The following WWOX variants were observed in gnomAD, a reference collection of about 807,000 sequenced individuals.
WWOX encodes WW domain-containing oxidoreductase.
WWOX carries 69 observed loss-of-function variants against 46.2 expected under a neutral mutation model. That is an observed-to-expected ratio of 1.49 (90% CI 1.23 to 1.82). The LOEUF is 1.82. WWOX is among the 40% of genes most tolerant of loss of function. The pLI is 0.00. For synonymous variants in WWOX, 359 were observed against 202.6 expected, an observed-to-expected ratio of 1.77 and a Z score of -6.56; for missense variants, 919 against 542.6, an observed-to-expected ratio of 1.69 and a Z score of -6.89.
At chr16:78,580,839 G>T (rs1049048812) in intron 8 of WWOX, among the ~76,000 whole-genome samples, 1 of 152,152 alleles carries the variant, frequency 6.6e-6, no homozygotes, top group South Asian at 2.1e-4. Flanking sequence ...CAACACCTAT[G>T]CCTCTTTCAC....
chr16:78,224,067 G>T (rs925643707), intron 5 of WWOX, among the ~76,000 whole-genome samples: 1 of 152,090 alleles, frequency 6.6e-6, no homozygotes. Flanking sequence ...GCAGTGGGGT[G>T]ATCTCAGCTC....
At chr16:78,379,562 C>G (rs1236537369) in intron 5 of WWOX, among the ~76,000 whole-genome samples, 2 of 152,180 alleles carry the variant, frequency 1.3e-5, no homozygotes, top group African/African-American at 4.8e-5. Flanking sequence ...TGCCAAAAGT[C>G]TGTGCCAGGG....
chr16:78,671,727 C>T (rs141062121), intron 8 of WWOX, among the ~76,000 whole-genome samples: 1 of 152,300 alleles, frequency 6.6e-6, no homozygotes, highest in Admixed American at 6.5e-5. Context: ...AATAGCTACC[C>T]TTACTATTTA....
At chr16:78,939,281 A>G (rs558760505) in intron 8 of WWOX, among the ~76,000 whole-genome samples, 6 of 152,340 alleles carry the variant, frequency 3.9e-5, no homozygotes, top group African/African-American at 1.2e-4. Flanking sequence ...TACCTGGTCT[A>G]GAGAGGCTGC....
At chr16:78,536,901 CTT>C (rs35326105) in intron 8 of WWOX, among the ~76,000 whole-genome samples, 11,042 of 119,918 alleles carry the variant, frequency 0.092, 530 homozygotes, top group South Asian at 0.21. Flanking sequence ...AGAGCCAAGT[CTT>C]TTTTTTTTTT....
intron 8 of WWOX, among the ~76,000 whole-genome samples, chr16:78,868,628 A>G (rs1259285450): frequency 6.6e-6 from 1 of 152,230 alleles, no homozygotes; most frequent in Non-Finnish European, 1.5e-5. Flanking sequence ...CCCATTCTGT[A>G]TAATTAGACA....
chr16:79,207,732 T>C (rs2051566189), intron 8 of WWOX, among the ~76,000 whole-genome samples: 2 of 152,196 alleles, frequency 1.3e-5, no homozygotes, highest in African/African-American at 4.8e-5. Context: ...CATGTGTCCC[T>C]GTGAGTATTA....
intron 8 of WWOX, among the ~76,000 whole-genome samples, chr16:78,751,855 A>AG (rs1332822387): frequency 2.6e-5 from 4 of 152,230 alleles, no homozygotes; most frequent in Admixed American, 2.0e-4. Context: ...AGGGAAGGTA[A>AG]GAAAGAAATT....
chr16:79,090,954 C>A (rs1255224719), intron 8 of WWOX, among the ~76,000 whole-genome samples: 2 of 152,168 alleles, frequency 1.3e-5, no homozygotes, highest in South Asian at 2.1e-4. Flanking sequence ...TGCCACCGCA[C>A]CCAGCTCAAA....
At chr16:78,785,884 A>G (rs1203039649) in intron 8 of WWOX, among the ~76,000 whole-genome samples, 1 of 152,028 alleles carries the variant, frequency 6.6e-6, no homozygotes, top group Non-Finnish European at 1.5e-5. Context: ...CACACTTTTG[A>G]ATTTGAGTTA....
chr16:79,029,203 G>C (rs1181199724), intron 8 of WWOX, among the ~76,000 whole-genome samples: 1 of 152,154 alleles, frequency 6.6e-6, no homozygotes, highest in African/African-American at 2.4e-5. Flanking sequence ...CAGATGCACA[G>C]GAGACCTTTG....
At chr16:78,513,853 T>A (rs780181510) in intron 8 of WWOX, among the ~76,000 whole-genome samples, 20 of 151,668 alleles carry the variant, frequency 1.3e-4, no homozygotes, top group Non-Finnish European at 2.2e-4. Context: ...GAACACTTGG[T>A]CGAAAAACAG....
intron 8 of WWOX, among the ~76,000 whole-genome samples, chr16:78,532,148 A>G (rs2043638535): frequency 1.3e-5 from 2 of 151,912 alleles, no homozygotes; most frequent in African/African-American, 4.8e-5. Context: ...ATAATGCTAG[A>G]GACATTCAGC....
chr16:78,769,658 GA>G (rs2050016661), intron 8 of WWOX, among the ~76,000 whole-genome samples: 1 of 150,830 alleles, frequency 6.6e-6, no homozygotes, highest in Non-Finnish European at 1.5e-5. Context: ...TAACAGGGAA[GA>G]TTTAATATTA....
chr16:78,300,523 C>A (rs2080021411), intron 5 of WWOX, among the ~76,000 whole-genome samples: 1 of 151,570 alleles, frequency 6.6e-6, no homozygotes, highest in Non-Finnish European at 1.5e-5. Context: ...TCTCCCTTCT[C>A]CCCTCTTCTC....
intron 4 of WWOX, among the ~76,000 whole-genome samples, chr16:78,140,662 T>C (rs959289513): frequency 6.6e-6 from 1 of 152,208 alleles, no homozygotes; most frequent in African/African-American, 2.4e-5. Context: ...TTTGTCTCTG[T>C]TTTCTGATCT....
chr16:78,972,282 C>T (rs776039350), intron 8 of WWOX, among the ~76,000 whole-genome samples: 1 of 152,122 alleles, frequency 6.6e-6, no homozygotes, highest in Non-Finnish European at 1.5e-5. Flanking sequence ...ATACTTAAGA[C>T]ATCTGCTCAG....
At chr16:78,477,068 C>G (rs117626204) in intron 8 of WWOX, among the ~76,000 whole-genome samples, 1 of 152,194 alleles carries the variant, frequency 6.6e-6, no homozygotes, top group South Asian at 2.1e-4. Flanking sequence ...ACCAGGTGAT[C>G]ATCTTAGGCA....
intron 8 of WWOX, among the ~76,000 whole-genome samples, chr16:78,657,569 C>G (rs376001661): frequency 6.6e-6 from 1 of 152,116 alleles, no homozygotes; most frequent in Non-Finnish European, 1.5e-5. Context: ...TGACCCTGGC[C>G]GGGACTGAAG....
Sources: gnomAD v4.1 joint callset for allele counts (sites outside exome capture counted in the v4.1 genomes callset) on GRCh38, gnomAD v4.1.1 for gene constraint, MANE v1.5 for transcripts, NCBI Gene and HGNC (gene_info 2026-07-23, HGNC 2026-07-21) for gene names.